The following PRH1 variants were observed in gnomAD, a reference collection of about 807,000 sequenced individuals.
The protein encoded by PRH1 is salivary acidic proline-rich phosphoprotein 1/2.
PRH1 carries 7 observed loss-of-function variants against 7.9 expected under a neutral mutation model. That is an observed-to-expected ratio of 0.89 (90% CI 0.50 to 1.67). PRH1 has a LOEUF of 1.67. Among genes scored for constraint, PRH1 ranks in the 40% most tolerant of loss-of-function variants. The probability of loss-of-function intolerance (pLI) is 0.00; values close to 1 mark genes in which losing one functional copy is unlikely to be tolerated. For synonymous variants in PRH1, 45 were observed against 80.8 expected (o/e 0.56, Z 2.38); for missense variants, 109 against 223.6 (o/e 0.49, Z 3.27).
chr12:11,067,257 C>A (rs2136195930), intron 1 of PRH1, among the ~76,000 whole-genome samples: 1 of 152,174 alleles, frequency 6.6e-6, no homozygotes, highest in East Asian at 1.9e-4. Context: ...TTTTACCCAA[C>A]ACACAGGTGT....
intron 1 of PRH1, among the ~76,000 whole-genome samples, chr12:11,002,612 T>C (rs1169151451): frequency 6.6e-6 from 1 of 152,126 alleles, no homozygotes; most frequent in Non-Finnish European, 1.5e-5. Flanking sequence ...ATAGTATCAT[T>C]AGCAGGCAAA....
intron 2 of PRH1, among the ~76,000 whole-genome samples, chr12:10,960,350 CAGT>C (rs1565501193): frequency 1.1e-4 from 16 of 152,326 alleles, no homozygotes; most frequent in African/African-American, 3.8e-4. Context: ...TATCCCTATT[CAGT>C]TAACCTATCT....
intron 2 of PRH1, among the ~76,000 whole-genome samples, chr12:10,921,584 G>A (rs376504805): frequency 1.4e-4 from 22 of 152,112 alleles, no homozygotes; most frequent in Middle Eastern, 6.8e-3. Flanking sequence ...GATTTTGGTT[G>A]TACTACCATT....
chr12:11,152,446 ATTT>A (rs1171493795), intron 1 of PRH1, among the ~76,000 whole-genome samples: 1 of 151,982 alleles, frequency 6.6e-6, no homozygotes, highest in Non-Finnish European at 1.5e-5. Context: ...AGAATTTTTT[ATTT>A]TTATCACAAA....
intron 1 of PRH1, among the ~76,000 whole-genome samples, chr12:10,992,962 C>T (rs940017402): frequency 2.0e-5 from 3 of 152,130 alleles, no homozygotes; most frequent in Admixed American, 6.6e-5. Context: ...ACATACTAAC[C>T]GCATTGTCCA....
chr12:10,886,471 T>C (rs1163449337), upstream of PRH1, among the ~76,000 whole-genome samples: 2 of 152,148 alleles, frequency 1.3e-5, no homozygotes, highest in African/African-American at 4.8e-5. Flanking sequence ...GAGACTAGTG[T>C]ATCAGGAAAG....
chr12:11,166,606 C>A (rs1172118669), intron 1 of PRH1, among the ~76,000 whole-genome samples: 1 of 152,218 alleles, frequency 6.6e-6, no homozygotes, highest in East Asian at 1.9e-4. Flanking sequence ...TGGCCAACAA[C>A]CACCTTTTAC....
intron 1 of PRH1, chr12:11,061,953 G>T: frequency 6.2e-7 from 1 of 1,613,952 alleles, no homozygotes; most frequent in Non-Finnish European, 8.5e-7. Flanking sequence ...AAATAAGGTT[G>T]GAGAAATTGG....
intron 1 of PRH1, among the ~76,000 whole-genome samples, chr12:10,999,420 T>G (rs1247419828): frequency 6.6e-6 from 1 of 152,178 alleles, no homozygotes; most frequent in African/African-American, 2.4e-5. Context: ...TTGAGTTGTA[T>G]AAGAATGTAC....
chr12:10,956,772 A>G (rs1937985719), intron 2 of PRH1, among the ~76,000 whole-genome samples: 1 of 152,006 alleles, frequency 6.6e-6, no homozygotes, highest in African/African-American at 2.4e-5. Context: ...TATAGCAACA[A>G]AATTCAAGCA....
chr12:11,100,839 C>G (rs1592013719), intron 1 of PRH1, among the ~76,000 whole-genome samples: 1 of 151,962 alleles, frequency 6.6e-6, no homozygotes, highest in Non-Finnish European at 1.5e-5. Flanking sequence ...ATTTTTTTCT[C>G]TAATGGACAG....
At chr12:10,899,210 C>T (rs1005278472) in intron 2 of PRH1, among the ~76,000 whole-genome samples, 2 of 152,132 alleles carry the variant, frequency 1.3e-5, no homozygotes, top group Non-Finnish European at 2.9e-5. Context: ...AGACTTTGGA[C>T]TTCAGACATT....
At chr12:10,938,739 T>G (rs1298288156) in intron 2 of PRH1, 1 of 1,613,784 alleles carries the variant, frequency 6.2e-7, no homozygotes. Context: ...CTGTATCCAT[T>G]GATACTGGCA....
chr12:11,022,324 A>T, intron 1 of PRH1: 2 of 1,614,212 alleles, frequency 1.2e-6, no homozygotes, highest in Non-Finnish European at 1.7e-6. Flanking sequence ...ATTAGAAGCA[A>T]CAATTCTTAC....
intron 2 of PRH1, chr12:10,891,790 G>T (rs545016061): frequency 7.9e-5 from 12 of 152,324 alleles, no homozygotes; most frequent in African/African-American, 2.6e-4. Context: ...TGTTACATGT[G>T]CAAGTAGTGG....
At chr12:10,918,138 C>T (rs535564338) in intron 2 of PRH1, among the ~76,000 whole-genome samples, 2 of 152,220 alleles carry the variant, frequency 1.3e-5, no homozygotes, top group African/African-American at 2.4e-5. Flanking sequence ...CCAAACACCA[C>T]GTGTTCTCGC....
Position 11,086,114 on chromosome 12 carries a change from A to C in PRH1, n.124-38926T>G, listed in dbSNP as rs1180494476. Among the ~76,000 whole-genome samples the C allele has an allele frequency of 7.9e-3, 257 of 32,442 alleles. 4 individuals carry two copies. The highest frequency in any genetic ancestry group is 0.015 in the African/African-American group (174 of 11,628). The allele number at this position is 32,442 out of a possible 152,430, so 21.3% of individuals were successfully genotyped here. A position where few individuals can be genotyped will look rare whatever the true frequency, so the allele number is the denominator to read the frequency against. ...TTAACATAAACACATTCCCCCCCCC[A>C]CACACACACCCCTCATGGTTGAGTA... On this transcript the variant is annotated intron_variant and non_coding_transcript_variant, in intron 1 of 4. Transcript: ENST00000541977.
intron 2 of PRH1, among the ~76,000 whole-genome samples, chr12:10,945,697 C>T (rs1251474824): frequency 1.3e-5 from 2 of 152,110 alleles, no homozygotes; most frequent in African/African-American, 4.8e-5. Context: ...ACCGGTTTGA[C>T]CAAAATTTAT....
chr12:10,983,882 T>C (rs1007526428), intron 1 of PRH1, among the ~76,000 whole-genome samples: 3 of 152,198 alleles, frequency 2.0e-5, no homozygotes, highest in Non-Finnish European at 2.9e-5. Context: ...CCTGGACTTA[T>C]CTTCCAAATA....
Sources: gnomAD v4.1 joint callset for allele counts (sites outside exome capture counted in the v4.1 genomes callset) on GRCh38, gnomAD v4.1.1 for gene constraint, MANE v1.5 for transcripts, NCBI Gene and HGNC (gene_info 2026-07-23, HGNC 2026-07-21) for gene names.